The following BABAM2 variants were observed in gnomAD, a reference collection of about 807,000 sequenced individuals.
BABAM2 encodes BRISC and BRCA1-A complex member 2.
Under a neutral mutation model 54.7 loss-of-function variants are expected in BABAM2, and 31 were observed. The observed-to-expected ratio is 0.57, with a 90% CI of 0.43 to 0.77. The LOEUF (loss-of-function observed/expected upper bound fraction) is 0.77. Ranked by LOEUF, BABAM2 falls within the 30% of genes least tolerant of loss-of-function variation. The pLI, the probability that BABAM2 is intolerant of heterozygous loss-of-function variation, is 0.00. For missense variants in BABAM2, 364 were observed against 455.8 expected, an observed-to-expected ratio of 0.80 and a Z score of 1.83; for synonymous variants, 167 against 162.9, an observed-to-expected ratio of 1.03 and a Z score of -0.19.
At chr2:27,909,939 G>T (rs1666459011) in intron 2 of BABAM2, among the ~76,000 whole-genome samples, 1 of 152,170 alleles carries the variant, frequency 6.6e-6, no homozygotes, top group Non-Finnish European at 1.5e-5. Context: ...TCATTGTAAT[G>T]TAAGTGCTTT....
intron 11 of BABAM2, among the ~76,000 whole-genome samples, chr2:28,327,609 C>T (rs141738658): frequency 9.2e-5 from 14 of 152,266 alleles, no homozygotes; most frequent in East Asian, 3.9e-4. Context: ...TTCTCACAGG[C>T]GAGGAGGCCG....
At chr2:28,305,057 C>A (rs565139361) in intron 11 of BABAM2, among the ~76,000 whole-genome samples, 1 of 152,314 alleles carries the variant, frequency 6.6e-6, no homozygotes, top group Non-Finnish European at 1.5e-5. Flanking sequence ...TTTTCTGTTT[C>A]TTTTTCCACC....
chr2:28,061,130 TA>T, intron 6 of BABAM2, among the ~76,000 whole-genome samples: 1 of 152,058 alleles, frequency 6.6e-6, no homozygotes, highest in Non-Finnish European at 1.5e-5. Context: ...TAGAAAAAAA[TA>T]TACCAGTATA....
Position 27,929,800 on chromosome 2 carries a change from TTTTC to T in BABAM2, c.129-25_129-22del, listed in dbSNP as rs764652388. 5.7e-5 allele frequency: 91 copies of T among 1,594,658 alleles called. 1 individual carries two copies. The highest frequency in any genetic ancestry group is 3.4e-4 in the African/African-American group (25 of 74,216). On this transcript the variant is annotated intron_variant, in intron 2 of 11. Coordinates refer to ENST00000379624, the MANE Select transcript of BABAM2 (RefSeq NM_199191.3). The stretch of plus-strand genomic sequence containing the variant: ...TTTTAAAGTTTGTTTTTAAAAAATC[TTTTC>T]TTTCTTCTGTTTCTGCATTTTTTAA...
At chr2:28,130,160 T>C (rs1669900778) in intron 7 of BABAM2, among the ~76,000 whole-genome samples, 1 of 152,218 alleles carries the variant, frequency 6.6e-6, no homozygotes, top group Non-Finnish European at 1.5e-5. Context: ...AAATGTATTA[T>C]TAAAATTCTC....
At chr2:28,207,676 G>A (rs1460395666) in intron 7 of BABAM2, among the ~76,000 whole-genome samples, 2 of 148,572 alleles carry the variant, frequency 1.3e-5, no homozygotes, top group African/African-American at 2.4e-5. Flanking sequence ...GTACTTGAGG[G>A]GAAAAAAAAT....
At chr2:27,908,116 A>G (rs1452921659) in intron 2 of BABAM2, among the ~76,000 whole-genome samples, 1 of 152,196 alleles carries the variant, frequency 6.6e-6, no homozygotes, top group African/African-American at 2.4e-5. Context: ...GTTTTTAAAA[A>G]TAATTTCAAC....
At chr2:28,085,747 A>G (rs573132235) in intron 6 of BABAM2, among the ~76,000 whole-genome samples, 6 of 152,314 alleles carry the variant, frequency 3.9e-5, no homozygotes, top group African/African-American at 1.4e-4. Context: ...CCTCAGGATC[A>G]TCATACACTA....
chr2:27,906,616 G>A (rs1666205136), intron 2 of BABAM2, among the ~76,000 whole-genome samples: 1 of 152,062 alleles, frequency 6.6e-6, no homozygotes, highest in Non-Finnish European at 1.5e-5. Flanking sequence ...GATAAATTGG[G>A]GTCTGAGATT....
At chr2:28,114,936 T>C (rs903847003) in intron 6 of BABAM2, among the ~76,000 whole-genome samples, 1 of 152,186 alleles carries the variant, frequency 6.6e-6, no homozygotes, top group Non-Finnish European at 1.5e-5. Flanking sequence ...TGAAACCCAG[T>C]TTTGAAACAG....
chr2:27,908,619 C>G (rs759027539), intron 2 of BABAM2, among the ~76,000 whole-genome samples: 20 of 152,140 alleles, frequency 1.3e-4, no homozygotes, highest in Non-Finnish European at 2.2e-4. Context: ...CCTCCCCTCT[C>G]TTGGAGTCCC....
At chr2:27,983,544 G>C (rs779692652) in intron 3 of BABAM2, among the ~76,000 whole-genome samples, 5 of 152,080 alleles carry the variant, frequency 3.3e-5, no homozygotes, top group Non-Finnish European at 7.4e-5. Context: ...AGATCAACTT[G>C]GGTTGTGTTG....
At chr2:27,996,327 G>A (rs1056805445) in intron 4 of BABAM2, 2 of 154,856 alleles carry the variant, frequency 1.3e-5, no homozygotes, top group Non-Finnish European at 2.9e-5. Flanking sequence ...TTATGGCTTT[G>A]GTAAGAGTCT....
chr2:28,075,558 ATGTG>A (rs144550431), intron 6 of BABAM2, among the ~76,000 whole-genome samples: 36 of 147,982 alleles, frequency 2.4e-4, no homozygotes, highest in African/African-American at 4.7e-4. Context: ...TTCTCTGTGC[ATGTG>A]TGTGTGTGTG....
intron 7 of BABAM2, among the ~76,000 whole-genome samples, chr2:28,195,987 C>T (rs1677490426): frequency 6.6e-6 from 1 of 152,204 alleles, no homozygotes; most frequent in Non-Finnish European, 1.5e-5. Context: ...TCAGTCTCTA[C>T]ATGGTGAGCA....
rs370412521 is a variant in BABAM2, at chr2:28,026,852, TTA to T, written c.495+1441_495+1442del. ...TATATAAATATATATAAATATATAT[TTA>T]TATATATAGATATATATATTTATAT... On this transcript the variant is annotated intron_variant, in intron 5 of 11. Transcript: ENST00000379624. 5.0e-4 allele frequency among the ~76,000 whole-genome samples: 32 copies of T among 64,514 alleles called. 2 individuals are homozygous for T. Among genetic ancestry groups the T allele is most frequent in the African/African-American group, 1.3e-3 (16 of 12,588 alleles). The allele number at this position is 64,514 out of a possible 152,430, so 42.3% of individuals were successfully genotyped here.
At chr2:28,248,530 C>T (rs939540150) in intron 10 of BABAM2, among the ~76,000 whole-genome samples, 5 of 152,016 alleles carry the variant, frequency 3.3e-5, no homozygotes, top group African/African-American at 1.2e-4. Context: ...TTTCAGAATG[C>T]AGCGTGGCAA....
intron 2 of BABAM2, among the ~76,000 whole-genome samples, chr2:27,900,015 C>T (rs565462315): frequency 6.6e-6 from 1 of 152,276 alleles, no homozygotes; most frequent in South Asian, 2.1e-4. Flanking sequence ...TTCAATCCTT[C>T]CATCAGCCGA....
At chr2:28,200,279 A>G (rs1311165517) in intron 7 of BABAM2, among the ~76,000 whole-genome samples, 5 of 152,206 alleles carry the variant, frequency 3.3e-5, no homozygotes, top group African/African-American at 4.8e-5. Flanking sequence ...ATCATTCACC[A>G]TTTCCATCTC....
Sources: gnomAD v4.1 joint callset for allele counts (sites outside exome capture counted in the v4.1 genomes callset) on GRCh38, gnomAD v4.1.1 for gene constraint, MANE v1.5 for transcripts, NCBI Gene and HGNC (gene_info 2026-07-23, HGNC 2026-07-21) for gene names.